Variants in HLA-DQB1 observed in about 807,000 individuals in gnomAD.
HLA-DQB1 encodes the protein HLA class II histocompatibility antigen, DQ beta 1 chain.
In HLA-DQB1, 13 loss-of-function variants were observed where a neutral mutation model predicts 26.4. The observed-to-expected ratio is 0.49, with a 90% CI of 0.32 to 0.78. The LOEUF is 0.78. Among genes scored for constraint, HLA-DQB1 ranks in the 30% least tolerant of loss-of-function variants. HLA-DQB1 has a pLI of 0.03. For synonymous variants in HLA-DQB1, 60 were observed against 129.1 expected (o/e 0.46, Z 3.63); for missense variants, 158 against 326.2 (o/e 0.48, Z 3.97).
At chr6:32,663,406 T>TGA (rs1783404912) in intron 2 of HLA-DQB1, 2 of 54,402 alleles carry the variant, frequency 3.7e-5, no homozygotes, top group Non-Finnish European at 8.6e-5. Flanking sequence ...ATCATGAATT[T>TGA]TCAATGCCGC....
intron 1 of HLA-DQB1, among the ~76,000 whole-genome samples, chr6:32,665,309 G>C (rs867012061): frequency 0.19 from 26,787 of 138,176 alleles, 3,241 homozygotes; most frequent in Middle Eastern, 0.23. Context: ...GTCCCTGCCT[G>C]AGCCTGTGAA....
exon 2 of HLA-DQB1, chr6:32,664,851 G>C (rs1130392): frequency 0.22 from 224,650 of 1,041,162 alleles, 63,665 homozygotes; most frequent in South Asian, 0.29. Flanking sequence ...TCTGCACACC[G>C]TGTCCAACTC....
chr6:32,666,560 T>G, exon 1 of HLA-DQB1: 1 of 1,199,752 alleles, frequency 8.3e-7, no homozygotes, highest in South Asian at 1.3e-5. Context: ...AGGTGACAGT[T>G]GCTACCCGAA....
At position 32,665,110 on chromosome 6, in the gene HLA-DQB1, C is replaced by CCTAGCCCG. The variant is rs41268312; in HGVS notation, c.110-44_110-43insCGGGCTAG. The CCTAGCCCG allele has an allele frequency of 1.5e-4, 154 of 1,029,124 alleles. 1 individual carries two copies. Among genetic ancestry groups the CCTAGCCCG allele is most frequent in the Non-Finnish European group, 1.5e-4 (117 of 757,984 alleles). The allele number at this position is 1,029,124 out of a possible 1,614,324, so 63.7% of individuals were successfully genotyped here. A position where few individuals can be genotyped will look rare whatever the true frequency, so the allele number is the denominator to read the frequency against. The stretch of plus-strand genomic sequence containing the variant: ...CCGGTCAGTCAGGCCCCAGCCCGGC[C>CCTAGCCCG]GCCCCCGCAGCCGCCGCCCTGACCC... On this transcript the variant is annotated intron_variant, in intron 1 of 4. Transcript: ENST00000434651.
Position 32,660,765 on chromosome 6 carries a change from A to G in HLA-DQB1, c.773-516T>C, listed in dbSNP as rs1782900141. 3 of 694,162 alleles carry G rather than the reference A, an allele frequency of 4.3e-6. 1 individual carries two copies. In the South Asian group the frequency reaches 5.0e-5, roughly 12 times the overall value. The allele number at this position is 694,162 out of a possible 1,614,324, so 43.0% of individuals were successfully genotyped here. On this transcript the variant is annotated intron_variant, in intron 4 of 4. Coordinates refer to ENST00000434651, the Ensembl canonical transcript of HLA-DQB1. ...TGATCCTCATAGCAGCAAATAGGCC[A>G]TGAACATGGACCACTGTGGTCAGGT...
At chr6:32,663,868 T>G (rs281863155) in intron 2 of HLA-DQB1, 1 of 128,526 alleles carries the variant, frequency 7.8e-6, no homozygotes. Flanking sequence ...ACTTCTGATC[T>G]TTGCATAGTG....
chr6:32,662,890 C>T (rs879705868), intron 2 of HLA-DQB1: 3 of 146,994 alleles, frequency 2.0e-5, no homozygotes, highest in African/African-American at 5.1e-5. Context: ...CATTTCCTTG[C>T]TATTGACAAT....
intron 4 of HLA-DQB1, 107 bp from the exon 5 acceptor site, chr6:32,660,356 TC>T: frequency 1.8e-6 from 1 of 562,862 alleles, no homozygotes; most frequent in Non-Finnish European, 3.0e-6. Flanking sequence ...AAAGTTGAGG[TC>T]CAGGGTGTAT....
chr6:32,662,706 A>G (rs1554166538), intron 2 of HLA-DQB1: 1 of 53,184 alleles, frequency 1.9e-5, no homozygotes. Flanking sequence ...TACACATCTC[A>G]TCCTTTCCTT....
chr6:32,660,840 A>G, intron 4 of HLA-DQB1: 1 of 1,364,354 alleles, frequency 7.3e-7, no homozygotes, highest in Admixed American at 2.3e-5. Flanking sequence ...CCCACACTGG[A>G]TCATGGCTGA....
intron 1 of HLA-DQB1, 45 bp from the exon 2 acceptor site, chr6:32,665,112 C>T (rs281862011): frequency 3.9e-6 from 4 of 1,021,884 alleles, no homozygotes; most frequent in East Asian, 6.5e-5. Context: ...AGCCCGGCCG[C>T]CCCCGCAGCC....
intron 2 of HLA-DQB1, chr6:32,662,861 CT>C (rs202184479): frequency 0.11 from 15,039 of 131,224 alleles, 1,799 homozygotes; most frequent in Middle Eastern, 0.18. Context: ...AGTTTAATTA[CT>C]AGCTGTCTAC....
chr6:32,665,122 C>CCG lies in HLA-DQB1; in HGVS notation c.110-56_110-55insCG, dbSNP rs2151027064. 36 of 967,214 alleles carry CCG rather than the reference C, an allele frequency of 3.7e-5. 1 individual carries two copies. The South Asian group carries it at 5.8e-4, about 16-fold the overall frequency. The allele number at this position is 967,214 out of a possible 1,614,324, so 59.9% of individuals were successfully genotyped here. A position where few individuals can be genotyped will look rare whatever the true frequency, so the allele number is the denominator to read the frequency against. ...GCCCCAGCCCGGCCGCCCCCGCAGC[C>CCG]GCCGCCCTGACCCGGCCTGGAGCTG... On this transcript the variant is annotated intron_variant, in intron 1 of 4. Coordinates refer to ENST00000434651, the Ensembl canonical transcript of HLA-DQB1.
chr6:32,659,651 T>C (rs1263501221), exon 5 of HLA-DQB1: 11 of 151,948 alleles, frequency 7.2e-5, no homozygotes, highest in African/African-American at 2.7e-4. Context: ...GAGGCTGGGA[T>C]ATTCTAAGGC....
intron 2 of HLA-DQB1, chr6:32,664,576 G>C (rs9274344): frequency 0.1 from 21,811 of 210,512 alleles, 5,496 homozygotes; most frequent in Admixed American, 0.15. Flanking sequence ...AGGCTGGGGG[G>C]GACACTAGGC....
intron 2 of HLA-DQB1, 160 bp downstream of exon 2, chr6:32,664,638 C>A: frequency 7.7e-6 from 2 of 261,276 alleles, no homozygotes; most frequent in African/African-American, 3.0e-5. Context: ...CCCCGCCCCT[C>A]CGATGCACCT....
At chr6:32,665,473 G>A (rs281861705) in intron 1 of HLA-DQB1, among the ~76,000 whole-genome samples, 1 of 118,194 alleles carries the variant, frequency 8.5e-6, no homozygotes, top group African/African-American at 3.0e-5. Flanking sequence ...GGAATGACGA[G>A]ATAGGTCCAG....
intron 4 of HLA-DQB1, chr6:32,660,776 C>CAT: frequency 1.3e-6 from 1 of 764,290 alleles, no homozygotes; most frequent in South Asian, 1.6e-5. Context: ...TGAACATGGA[C>CAT]CACTGTGGTC....
chr6:32,661,040 G>A (rs9273543), intron 4 of HLA-DQB1, among the ~76,000 whole-genome samples: 6,361 of 130,178 alleles, frequency 0.049, 220 homozygotes, highest in East Asian at 0.12. Flanking sequence ...TAAAACAAAG[G>A]AAATTGTCAC....
Sources: allele counts gnomAD v4.1 joint callset (sites outside exome capture counted in the v4.1 genomes callset), GRCh38; gene constraint gnomAD v4.1.1; transcripts MANE v1.5; gene names NCBI Gene and HGNC (gene_info 2026-07-23, HGNC 2026-07-21).